Variants in FER observed in about 807,000 individuals in gnomAD.
FER encodes the protein tyrosine-protein kinase Fer.
FER carries 63 observed loss-of-function variants against 111.0 expected under a neutral mutation model. The observed-to-expected ratio is 0.57, with a 90% CI of 0.46 to 0.70. The LOEUF is 0.70. FER is among the 30% of genes least tolerant of loss of function. The pLI, the probability that FER is intolerant of heterozygous loss-of-function variation, is 0.00. For synonymous variants in FER, 327 were observed against 313.9 expected (o/e 1.04, Z -0.44); for missense variants, 914 against 954.0 (o/e 0.96, Z 0.55).
At chr5:108,855,885 T>G (rs529390137) in intron 5 of FER, among the ~76,000 whole-genome samples, 1 of 151,126 alleles carries the variant, frequency 6.6e-6, no homozygotes, top group African/African-American at 2.4e-5. Flanking sequence ...GTATCAGTTT[T>G]GCGGTAAAGG....
chr5:108,837,018 A>G (rs191417836), intron 5 of FER, among the ~76,000 whole-genome samples: 4 of 152,270 alleles, frequency 2.6e-5, no homozygotes, highest in African/African-American at 9.6e-5. Context: ...GTCTCTATTA[A>G]TGTAGATATA....
chr5:108,946,621 G>A (rs373446174), intron 11 of FER, among the ~76,000 whole-genome samples: 2 of 151,886 alleles, frequency 1.3e-5, no homozygotes, highest in African/African-American at 2.4e-5. Context: ...ATGTATTTAT[G>A]TGTATATTTA....
intron 14 of FER, 36 bp from the exon 15 acceptor site, chr5:109,044,644 A>C (rs1771687633): frequency 9.0e-7 from 1 of 1,107,490 alleles, no homozygotes; most frequent in Non-Finnish European, 1.3e-6. Flanking sequence ...ACATGCTGTC[A>C]TTTACCCCAG....
intron 16 of FER, among the ~76,000 whole-genome samples, chr5:109,064,750 CTGTTT>C (rs1362730744): frequency 1.3e-5 from 2 of 152,104 alleles, no homozygotes; most frequent in African/African-American, 4.8e-5. Context: ...CTCTTAGATT[CTGTTT>C]TTTAAATGAC....
intron 13 of FER, among the ~76,000 whole-genome samples, chr5:108,976,826 A>G (rs1241384863): frequency 6.6e-6 from 1 of 152,208 alleles, no homozygotes; most frequent in East Asian, 1.9e-4. Context: ...GTGGGCATCT[A>G]TAGCTTCAGA....
intron 10 of FER, among the ~76,000 whole-genome samples, chr5:108,945,869 T>G (rs1018018138): frequency 1.3e-5 from 2 of 152,100 alleles, no homozygotes; most frequent in Admixed American, 6.6e-5. Flanking sequence ...CTGTATGAAT[T>G]CTATATGAAT....
At chr5:109,029,579 C>T (rs909853709) in intron 13 of FER, among the ~76,000 whole-genome samples, 14 of 151,794 alleles carry the variant, frequency 9.2e-5, no homozygotes, top group African/African-American at 3.4e-4. Flanking sequence ...TCCATTCATT[C>T]TTGAAAGATG....
chr5:108,996,501 C>T (rs1025185050), intron 13 of FER, among the ~76,000 whole-genome samples: 2 of 152,114 alleles, frequency 1.3e-5, no homozygotes, highest in Non-Finnish European at 2.9e-5. Context: ...TTTCCCAACA[C>T]AATTATTAAA....
intron 17 of FER, among the ~76,000 whole-genome samples, chr5:109,166,320 TGAAGATGA>T (rs1453190082): frequency 6.6e-6 from 1 of 151,934 alleles, no homozygotes; most frequent in Non-Finnish European, 1.5e-5. Context: ...AGTTCAAAGT[TGAAGATGA>T]GAAGCCAAGA....
chr5:108,809,157 T>G (rs1013118851), intron 3 of FER, among the ~76,000 whole-genome samples: 3 of 152,212 alleles, frequency 2.0e-5, no homozygotes, highest in African/African-American at 7.2e-5. Flanking sequence ...TTAGGGAAAC[T>G]TTTTTTGTAT....
chr5:108,840,409 C>G (rs1429917475), intron 5 of FER, among the ~76,000 whole-genome samples: 4 of 152,086 alleles, frequency 2.6e-5, no homozygotes, highest in African/African-American at 9.7e-5. Context: ...CCATCATTTC[C>G]TTCGTTGTTG....
At chr5:109,057,175 T>G (rs1773763097) in intron 16 of FER, among the ~76,000 whole-genome samples, 2 of 152,138 alleles carry the variant, frequency 1.3e-5, no homozygotes, top group Admixed American at 1.3e-4. Flanking sequence ...GATGTACCAC[T>G]AAAAGAAGAA....
At chr5:108,832,030 T>C (rs1760098774) in intron 3 of FER, among the ~76,000 whole-genome samples, 1 of 152,182 alleles carries the variant, frequency 6.6e-6, no homozygotes, top group African/African-American at 2.4e-5. Flanking sequence ...TTTGTTCTTC[T>C]AGCAGTTTCC....
intron 17 of FER, among the ~76,000 whole-genome samples, chr5:109,126,561 A>T (rs952521466): frequency 2.6e-5 from 4 of 152,214 alleles, no homozygotes; most frequent in African/African-American, 9.7e-5. Context: ...TGATTAATGA[A>T]TAATAATTTA....
intron 13 of FER, among the ~76,000 whole-genome samples, chr5:109,028,403 A>G (rs962867362): frequency 6.6e-6 from 1 of 152,228 alleles, no homozygotes; most frequent in African/African-American, 2.4e-5. Flanking sequence ...TTTATAACCC[A>G]TTGTGTTTCA....
intron 13 of FER, among the ~76,000 whole-genome samples, chr5:108,994,074 G>A (rs572400192): frequency 1.1e-4 from 17 of 152,182 alleles, no homozygotes; most frequent in Admixed American, 2.6e-4. Flanking sequence ...TCTGTAGGTC[G>A]TCTGTTCACT....
intron 17 of FER, among the ~76,000 whole-genome samples, chr5:109,102,373 A>C (rs1430201047): frequency 6.6e-6 from 1 of 152,062 alleles, no homozygotes; most frequent in Admixed American, 6.6e-5. Flanking sequence ...CGGGTTTGAC[A>C]AATAGGTTTC....
chr5:108,859,558 G>T (rs902035178), intron 5 of FER, among the ~76,000 whole-genome samples: 1 of 152,052 alleles, frequency 6.6e-6, no homozygotes, highest in African/African-American at 2.4e-5. Flanking sequence ...ATATTTTTGG[G>T]TAATATGTGG....
chr5:108,845,017 TATATATATATATATATATATATAC>T (rs1310264732), intron 5 of FER, among the ~76,000 whole-genome samples: 529 of 52,096 alleles, frequency 0.01, 1 homozygote, highest in South Asian at 0.013. Context: ...TATATATATA[TATATATATATATATATATATATAC>T]ATATATATAT....
Sources: allele counts gnomAD v4.1 joint callset (sites outside exome capture counted in the v4.1 genomes callset), GRCh38; gene constraint gnomAD v4.1.1; transcripts MANE v1.5; gene names NCBI Gene and HGNC (gene_info 2026-07-23, HGNC 2026-07-21).